Variants in STX5 observed in about 807,000 individuals in gnomAD.
The protein encoded by STX5 is syntaxin 5.
In STX5, 15 loss-of-function variants were observed where a neutral mutation model predicts 42.9. That is an observed-to-expected ratio of 0.35 (90% CI 0.23 to 0.54). The LOEUF is 0.54. Ranked by LOEUF, STX5 falls within the 20% of genes least tolerant of loss-of-function variation. The pLI, the probability that STX5 is intolerant of heterozygous loss-of-function variation, is 0.91. For missense variants in STX5, 430 were observed against 455.0 expected (o/e 0.95, Z 0.50); for synonymous variants, 184 against 173.2 (o/e 1.06, Z -0.49).
At chr11:62,825,581 A>G in intron 5 of STX5, 42 bp from the exon 6 acceptor site, 1 of 1,566,698 alleles carries the variant, frequency 6.4e-7, no homozygotes, top group South Asian at 1.1e-5. Context: ...TTAGCCAAGG[A>G]GTCCTTAGTC....
chr11:62,827,977 G>A (rs2084814415), intron 2 of STX5, among the ~76,000 whole-genome samples: 1 of 150,072 alleles, frequency 6.7e-6, no homozygotes, highest in Non-Finnish European at 1.5e-5. Context: ...CAACTACCTG[G>A]TACATAGTAA....
chr11:62,820,746 A>C (rs1170377708), intron 10 of STX5, among the ~76,000 whole-genome samples: 4 of 151,414 alleles, frequency 2.6e-5, no homozygotes, highest in Non-Finnish European at 4.4e-5. Flanking sequence ...TCCTGACCTC[A>C]TGATCCGCCT....
At chr11:62,827,000 A>G (rs1291386846) in intron 5 of STX5, among the ~76,000 whole-genome samples, 155 bp downstream of exon 5, 1 of 152,034 alleles carries the variant, frequency 6.6e-6, no homozygotes, top group African/African-American at 2.4e-5. Context: ...GCAGTGAGCT[A>G]GGTCACACCA....
intron 10 of STX5, among the ~76,000 whole-genome samples, chr11:62,822,998 G>C (rs1378110773): frequency 2.5e-4 from 38 of 152,092 alleles, no homozygotes; most frequent in Admixed American, 2.5e-3. Flanking sequence ...AGGCCTTCTT[G>C]ATTCTTGCTA....
chr11:62,813,671 G>A (rs2084641934), intron 10 of STX5, among the ~76,000 whole-genome samples: 2 of 152,108 alleles, frequency 1.3e-5, no homozygotes, highest in East Asian at 3.9e-4. Flanking sequence ...GATCAATCAG[G>A]GTTGGACCCT....
chr11:62,825,051 C>A lies in STX5; in HGVS notation c.664G>T (p.Ala222Ser), dbSNP rs1360385391. 1.9e-6 allele frequency: 3 copies of A among 1,613,860 alleles called. No homozygotes were observed. Among genetic ancestry groups the A allele is most frequent in the Non-Finnish European group, 1.7e-6 (2 of 1,180,038 alleles). Reference sequence around the variant, plus strand: ...TGTGACTTACCCAGGTGGTTAGGGGCAAGGGGCAGGGCTGACACAGGTGCC... The same window carrying A: ...TGTGACTTACCCAGGTGGTTAGGGGAAAGGGGCAGGGCTGACACAGGTGCC... Reference protein sequence around the residue: ...SRAPVSALPLAPNHLGGGAVV... With the variant: ...SRAPVSALPLSPNHLGGGAVV... The change falls in exon 8 of 11, where the codon GCC (alanine) becomes TCC (serine). Residue 222 changes from alanine (A) to serine (S), a missense_variant. By Grantham distance (99) the Ala-to-Ser change is moderately conservative (BLOSUM62 1). Coordinates refer to ENST00000294179, the MANE Select transcript of STX5 (RefSeq NM_003164.5).
intron 10 of STX5, among the ~76,000 whole-genome samples, chr11:62,813,758 T>G (rs912336950): frequency 6.6e-6 from 1 of 152,174 alleles, no homozygotes; most frequent in Non-Finnish European, 1.5e-5. Context: ...CTGGCTTTTC[T>G]TCTTAATGAG....
Position 62,817,079 on chromosome 11 carries a change from C to A in STX5, c.908+7087G>T, listed in dbSNP as rs142829020. Among the ~76,000 whole-genome samples, 451 of 151,952 alleles carry A rather than the reference C, an allele frequency of 3.0e-3. 28 individuals are homozygous for A. In the East Asian group the frequency reaches 0.081, roughly 27 times the overall value. On this transcript the variant is annotated intron_variant, in intron 10 of 10. Coordinates refer to ENST00000294179, the MANE Select transcript of STX5 (RefSeq NM_003164.5). The stretch of plus-strand genomic sequence containing the variant: ...TCCTGGGGATAACAGGCACACGCCA[C>A]CATGCCCAGCTAATTTTTTTGTATT...
At chr11:62,811,055 C>G (rs2084611896) in intron 10 of STX5, among the ~76,000 whole-genome samples, 1 of 152,132 alleles carries the variant, frequency 6.6e-6, no homozygotes, top group Non-Finnish European at 1.5e-5. Context: ...GGACACATTT[C>G]TCTCTCTGCT....
rs7122269 is a variant in STX5, at chr11:62,831,116, G to T, written c.128C>A (p.Pro43His). Residue 43 changes from proline to histidine, a missense_variant, in exon 2 of 11, where the codon CCC becomes CAC. Physicochemically the swap from Pro to His is moderately conservative, Grantham distance 77 (BLOSUM62 -2). Coordinates refer to ENST00000294179, the MANE Select transcript of STX5 (RefSeq NM_003164.5). ...AGGGGGAGGGACGAGGGTCACTGGG[G>T]GGGGCAGAGGGGCGATGTCGCTGCT... ...SSSSDIAPLP[P>H]PVTLVPPPPD... 2 of 1,554,842 alleles carry T rather than the reference G, an allele frequency of 1.3e-6. No homozygotes were observed. Among genetic ancestry groups the T allele is most frequent in the Non-Finnish European group, 8.7e-7 (1 of 1,149,224 alleles).
chr11:62,807,524 T>C lies in STX5; in HGVS notation c.1013A>G (p.Lys338Arg). 1 of 1,614,118 alleles carries C rather than the reference T, an allele frequency of 6.2e-7. No homozygotes were observed. The highest frequency in any genetic ancestry group is 1.1e-5 in the South Asian group (1 of 91,074). ...GAAGACAATGAGGATGAGGAAGATT[T>C]TGACCATGAGCCACCGGTTGGAGGT... ...SVTSNRWLMV[K>R]IFLILIVFFI... The change falls in exon 11 of 11, where the codon AAA becomes AGA. Residue 338 changes from lysine (K) to arginine (R), a missense_variant. Coordinates refer to ENST00000294179, the MANE Select transcript of STX5 (RefSeq NM_003164.5).
At position 62,824,975 on chromosome 11, in the gene STX5, C is replaced by T. The variant is rs753724989; in HGVS notation, c.679+61G>A. On this transcript the variant is annotated intron_variant, in intron 8 of 10. Coordinates refer to ENST00000294179, the MANE Select transcript of STX5 (RefSeq NM_003164.5). ...ACCCAACCCGTGCCTTTAGAGGATGCCATCACAACCAGAGTAAGTAACCTT... is the reference window on the plus strand; with the variant it reads ...ACCCAACCCGTGCCTTTAGAGGATGTCATCACAACCAGAGTAAGTAACCTT... The T allele has an allele frequency of 5.5e-5, 85 of 1,551,622 alleles. 1 individual carries two copies. The highest frequency in any genetic ancestry group is 7.2e-5 in the Non-Finnish European group (81 of 1,129,622).
chr11:62,825,211 T>C, intron 7 of STX5, 72 bp downstream of exon 7: 1 of 1,611,562 alleles, frequency 6.2e-7, no homozygotes. Context: ...CCTGTAGAAC[T>C]TGTCCCTTCT....
In STX5 at chr11:62,824,514, G is replaced by A; in HGVS notation, c.731C>T (p.Ala244Val). ...GAESHASKDVAIDMMDSRTSQ... is the reference protein window; with the variant it reads ...GAESHASKDVVIDMMDSRTSQ... Reference sequence around the variant, plus strand: ...GGTCCGAGAGTCCATCATGTCGATGGCGACATCCTTGGAGGCATGGGACTC... The same window carrying A: ...GGTCCGAGAGTCCATCATGTCGATGACGACATCCTTGGAGGCATGGGACTC... Residue 244 changes from alanine (A) to valine (V), a missense_variant, in exon 9 of 11, where the codon GCC (alanine) becomes GTC (valine). Physicochemically the swap from Ala to Val is moderately conservative, Grantham distance 64. Transcript: ENST00000294179. The A allele has an allele frequency of 6.2e-7, 1 of 1,614,172 alleles. No homozygotes were observed. Among genetic ancestry groups the A allele is most frequent in the Non-Finnish European group, 8.5e-7 (1 of 1,180,038 alleles).
chr11:62,812,899 T>C (rs1400841563), intron 10 of STX5, among the ~76,000 whole-genome samples: 2 of 150,328 alleles, frequency 1.3e-5, no homozygotes, highest in South Asian at 4.3e-4. Flanking sequence ...GATCACGAGG[T>C]CTAGGAGTTC....
rs1253947167 is a variant in STX5, at chr11:62,829,838, G to A, written c.225+1181C>T. On this transcript the variant is annotated intron_variant, in intron 2 of 10. Coordinates refer to ENST00000294179, the MANE Select transcript of STX5 (RefSeq NM_003164.5). ...CCAGCACTTTGGGAGGCTGAGGAGG[G>A]CAGATCACCTCAGGTCAGGAGTTCA... is the stretch of plus-strand genomic sequence containing the variant. Among the ~76,000 whole-genome samples the A allele has an allele frequency of 2.0e-5, 3 of 151,804 alleles. No individual in the cohort carries two copies. The East Asian group carries it at 5.8e-4, about 29-fold the overall frequency.
rs749188946 is a variant in STX5, at chr11:62,809,673, C to CAAAA, written c.909-2049_909-2046dup. On this transcript the variant is annotated intron_variant, in intron 10 of 10. Transcript: ENST00000294179. ...TGGGAAACAGAGCAAGACTCTGTCT[C>CAAAA]AAAAAAAAAAAAAAAAAAAAAAAAA... Among the ~76,000 whole-genome samples the CAAAA allele has an allele frequency of 8.1e-3, 155 of 19,172 alleles. 14 individuals carry two copies. Among genetic ancestry groups the CAAAA allele is most frequent in the African/African-American group, 9.4e-3 (68 of 7,250 alleles). The allele number at this position is 19,172 out of a possible 152,430, so 12.6% of individuals were successfully genotyped here.
At chr11:62,816,722 GAAAAA>G (rs71056565) in intron 10 of STX5, among the ~76,000 whole-genome samples, 3 of 90,192 alleles carry the variant, frequency 3.3e-5, no homozygotes, top group East Asian at 6.6e-4. Flanking sequence ...CGCCTTTACT[GAAAAA>G]AAAAAAAAAA....
intron 2 of STX5, chr11:62,830,377 A>G: frequency 2.7e-6 from 1 of 364,320 alleles, no homozygotes; most frequent in South Asian, 2.0e-5. Context: ...ATAGTGAGAC[A>G]CTGCCTGTAC....
Sources: allele counts gnomAD v4.1 joint callset (sites outside exome capture counted in the v4.1 genomes callset), GRCh38; gene constraint gnomAD v4.1.1; transcripts MANE v1.5; gene names NCBI Gene and HGNC (gene_info 2026-07-23, HGNC 2026-07-21).